PARN: variants seen among roughly 807,000 people sequenced by gnomAD.
PARN encodes poly(A)-specific ribonuclease PARN.
In PARN, 71 loss-of-function variants were observed where a neutral mutation model predicts 102.8. The ratio of observed to expected loss-of-function variants is 0.69; its 90% confidence interval spans 0.57 to 0.84. PARN has a LOEUF of 0.84. Ranked by LOEUF, PARN falls within the 40% of genes least tolerant of loss-of-function variation. PARN has a pLI of 0.00. For missense variants in PARN, 782 were observed against 760.9 expected, an observed-to-expected ratio of 1.03 and a Z score of -0.33; for synonymous variants, 261 against 252.9, an observed-to-expected ratio of 1.03 and a Z score of -0.30.
At chr16:14,469,466 C>G (rs1345292377) in intron 22 of PARN, among the ~76,000 whole-genome samples, 1 of 152,200 alleles carries the variant, frequency 6.6e-6, no homozygotes, top group East Asian at 1.9e-4. Context: ...GCACTATCAG[C>G]AAGCTGAATG....
At chr16:14,447,225 T>TA in intron 22 of PARN, 144 bp from the exon 23 acceptor site, 1 of 521,612 alleles carries the variant, frequency 1.9e-6, no homozygotes. Flanking sequence ...GTGTAAAAAT[T>TA]AAAGACCTTA....
rs1233021802 is a variant in PARN at position 14,436,102 on chromosome 16, T to G, written c.*615A>C. The G allele has an allele frequency of 2.0e-5, 3 of 152,358 alleles. No individual in the cohort carries two copies. Among genetic ancestry groups the G allele is most frequent in the African/African-American group, 7.2e-5 (3 of 41,410 alleles). 9.4% of individuals were successfully genotyped at this position (152,358 alleles called of 1,614,324 possible). ...AACTCACGTCTTAGGAGAAAGGAACTCTACATAAATATGCCCAAAGGCCAG... is the reference window on the plus strand; with the variant it reads ...AACTCACGTCTTAGGAGAAAGGAACGCTACATAAATATGCCCAAAGGCCAG... On this transcript the variant is annotated 3_prime_UTR_variant, in exon 24 of 24. Coordinates refer to ENST00000437198, the MANE Select transcript of PARN (RefSeq NM_002582.4).
chr16:14,628,614 C>G (rs957900551), intron 2 of PARN, among the ~76,000 whole-genome samples: 1 of 152,150 alleles, frequency 6.6e-6, no homozygotes, highest in African/African-American at 2.4e-5. Flanking sequence ...TGCCAGAGTT[C>G]CAGTCTTGGT....
intron 6 of PARN, among the ~76,000 whole-genome samples, chr16:14,616,784 T>C (rs1971929813): frequency 6.6e-6 from 1 of 151,890 alleles, no homozygotes; most frequent in Non-Finnish European, 1.5e-5. Context: ...AGAGGGGTTA[T>C]AAAAAATAAA....
intron 1 of PARN, among the ~76,000 whole-genome samples, 167 bp from the exon 2 acceptor site, chr16:14,629,841 G>C (rs1457829493): frequency 6.6e-6 from 1 of 152,234 alleles, no homozygotes. Flanking sequence ...GCATGGGTCA[G>C]GGGGGACAAG....
At chr16:14,551,377 C>T (rs576175940) in intron 21 of PARN, among the ~76,000 whole-genome samples, 45 of 151,794 alleles carry the variant, frequency 3.0e-4, no homozygotes, top group African/African-American at 1.0e-3. Flanking sequence ...GAGACCAAAC[C>T]GGCCAACATC....
Position 14,609,129 on chromosome 16 carries a change from G to A in PARN, c.555-6C>T. On this transcript the variant is annotated splice_polypyrimidine_tract_variant and splice_region_variant and intron_variant, in intron 7 of 23. Transcript: ENST00000437198. ...ATAAATCCTCTATTTTCTCTCTGAG[G>A]AATAAGAATAGACCATAACCATCAG... 1.4e-6 allele frequency: 2 copies of A among 1,404,874 alleles called. No homozygotes were observed. Among genetic ancestry groups the A allele is most frequent in the Non-Finnish European group, 2.0e-6 (2 of 1,006,260 alleles). The allele number at this position is 1,404,874 out of a possible 1,614,324, so 87.0% of individuals were successfully genotyped here.
At chr16:14,444,737 A>C (rs536606517) in intron 23 of PARN, among the ~76,000 whole-genome samples, 1 of 152,340 alleles carries the variant, frequency 6.6e-6, no homozygotes, top group South Asian at 2.1e-4. Context: ...ACATTTGTTG[A>C]GCACACGAAA....
intron 20 of PARN, 75 bp from the exon 21 acceptor site, chr16:14,552,170 C>A: frequency 1.1e-6 from 1 of 876,924 alleles, no homozygotes; most frequent in Admixed American, 1.9e-5. Flanking sequence ...GCGTATCTTA[C>A]ATATTTCAGT....
At chr16:14,504,019 AGGT>A (rs1177524486) in intron 21 of PARN, among the ~76,000 whole-genome samples, 2 of 152,168 alleles carry the variant, frequency 1.3e-5, no homozygotes, top group Non-Finnish European at 2.9e-5. Context: ...TTCAGCAGAG[AGGT>A]CTACTGACTG....
At chr16:14,622,217 A>G (rs1972352403) in intron 5 of PARN, among the ~76,000 whole-genome samples, 1 of 152,202 alleles carries the variant, frequency 6.6e-6, no homozygotes, top group Non-Finnish European at 1.5e-5. Context: ...GATTCAAGAC[A>G]TGAGAACAGA....
chr16:14,518,304 A>T (rs2151647505), intron 21 of PARN, among the ~76,000 whole-genome samples: 1 of 149,940 alleles, frequency 6.7e-6, no homozygotes, highest in East Asian at 1.9e-4. Context: ...AAAAAAAAAA[A>T]AAAAAAAAAA....
rs1020502881 is a variant in PARN, at chr16:14,596,890, G to A, written c.840+3014C>T. On this transcript the variant is annotated intron_variant, in intron 12 of 23. Coordinates refer to ENST00000437198, the MANE Select transcript of PARN (RefSeq NM_002582.4). ...CAACCCCCGCCTCCTAGGTTCAAGC[G>A]ATTCTCCTGCCTCAGCCTCCCAAGT... Among the ~76,000 whole-genome samples the A allele has an allele frequency of 5.2e-4, 78 of 151,164 alleles. 1 individual carries two copies. Among genetic ancestry groups the A allele is most frequent in the Admixed American group, 4.6e-3 (69 of 15,144 alleles).
At chr16:14,471,843 C>G (rs934505898) in intron 22 of PARN, among the ~76,000 whole-genome samples, 2 of 152,196 alleles carry the variant, frequency 1.3e-5, no homozygotes, top group African/African-American at 4.8e-5. Context: ...ACACCTATAT[C>G]TTTATCTTAA....
rs1209587423 is a variant in PARN, at chr16:14,478,020, A to C, written c.1670+4618T>G. ...TCAAGTATCAATTAGTATAAATCAA[A>C]ATATTAACAAAATAAAGGATGGCCA... On this transcript the variant is annotated intron_variant, in intron 22 of 23. Coordinates refer to ENST00000437198, the MANE Select transcript of PARN (RefSeq NM_002582.4). Among the ~76,000 whole-genome samples the C allele has an allele frequency of 2.0e-5, 3 of 152,036 alleles. No homozygotes were observed. The East Asian group carries it at 5.8e-4, about 30-fold the overall frequency.
intron 21 of PARN, among the ~76,000 whole-genome samples, chr16:14,537,378 T>C (rs1966654739): frequency 6.6e-6 from 1 of 152,202 alleles, no homozygotes; most frequent in Non-Finnish European, 1.5e-5. Context: ...AAAGACAGCG[T>C]GGAAGTTCCT....
chr16:14,619,896 C>T (rs1972185700), intron 5 of PARN, among the ~76,000 whole-genome samples: 1 of 151,350 alleles, frequency 6.6e-6, no homozygotes, highest in South Asian at 2.1e-4. Context: ...ATGGTGAAAC[C>T]CCGTCTCTAC....
intron 23 of PARN, among the ~76,000 whole-genome samples, chr16:14,446,009 A>G (rs1470855605): frequency 2.0e-5 from 3 of 152,250 alleles, no homozygotes; most frequent in Admixed American, 2.0e-4. Context: ...GTTACACATT[A>G]AGCACTGTCC....
intron 22 of PARN, among the ~76,000 whole-genome samples, chr16:14,478,409 T>G (rs1398567512): frequency 6.6e-6 from 1 of 152,202 alleles, no homozygotes; most frequent in Non-Finnish European, 1.5e-5. Flanking sequence ...ATTTGTGATG[T>G]TGAATGATTT....
Sources: allele counts gnomAD v4.1 joint callset (sites outside exome capture counted in the v4.1 genomes callset), GRCh38; gene constraint gnomAD v4.1.1; transcripts MANE v1.5; gene names NCBI Gene and HGNC (gene_info 2026-07-23, HGNC 2026-07-21).